Variants in SIK3 observed in about 807,000 individuals in gnomAD.
The protein encoded by SIK3 is SIK family kinase 3, also known as serine/threonine-protein kinase SIK3.
In SIK3, 28 loss-of-function variants were observed where a neutral mutation model predicts 144.2. The observed-to-expected ratio is 0.19, with a 90% CI of 0.14 to 0.27. The LOEUF is 0.27. Among genes scored for constraint, SIK3 ranks in the 10% least tolerant of loss-of-function variants. The pLI is 1.00. For missense variants in SIK3, 1,319 were observed against 1,776.0 expected (o/e 0.74, Z 4.62); for synonymous variants, 686 against 676.3 (o/e 1.01, Z -0.22).
chr11:116,863,906 A>C (rs1451462000), intron 15 of SIK3, 88 bp from the exon 16 acceptor site: 2 of 1,389,394 alleles, frequency 1.4e-6, no homozygotes, highest in African/African-American at 2.9e-5. Context: ...ATGAACATAA[A>C]GACGGCTGGC....
At chr11:117,029,680 T>C (rs190580525) in intron 1 of SIK3, among the ~76,000 whole-genome samples, 17 of 152,140 alleles carry the variant, frequency 1.1e-4, no homozygotes, top group African/African-American at 4.1e-4. Flanking sequence ...GTACACAAAA[T>C]TCAAGGAGAA....
intron 1 of SIK3, among the ~76,000 whole-genome samples, chr11:117,073,476 C>T (rs1565617276): frequency 2.6e-5 from 4 of 152,178 alleles, no homozygotes; most frequent in Admixed American, 2.6e-4. Flanking sequence ...CTCAGCTCTA[C>T]CACTTACAAG....
At chr11:117,089,201 C>T (rs925794812) in intron 1 of SIK3, among the ~76,000 whole-genome samples, 2 of 151,764 alleles carry the variant, frequency 1.3e-5, no homozygotes, top group South Asian at 2.1e-4. Context: ...GTCAGGAAAT[C>T]GAGACCAGCC....
intron 6 of SIK3, among the ~76,000 whole-genome samples, chr11:116,895,244 C>A (rs1046329863): frequency 1.3e-5 from 2 of 152,186 alleles, no homozygotes; most frequent in Non-Finnish European, 2.9e-5. Context: ...GGCCTCTGCG[C>A]TGACCCCTCA....
At chr11:116,948,109 A>T (rs556183983) in intron 3 of SIK3, among the ~76,000 whole-genome samples, 9 of 144,774 alleles carry the variant, frequency 6.2e-5, no homozygotes, top group Admixed American at 5.6e-4. Flanking sequence ...TAATTTTTCT[A>T]TTTTTTTTTG....
chr11:116,911,714 A>T (rs1946357167), intron 4 of SIK3, among the ~76,000 whole-genome samples: 1 of 152,236 alleles, frequency 6.6e-6, no homozygotes, highest in African/African-American at 2.4e-5. Context: ...TGCTTACATT[A>T]TTCTATAACT....
chr11:116,891,476 C>T (rs1390945678), intron 6 of SIK3, among the ~76,000 whole-genome samples: 2 of 152,196 alleles, frequency 1.3e-5, no homozygotes, highest in East Asian at 3.8e-4. Context: ...AGCTTTTGTT[C>T]ATTTGTATCT....
chr11:116,856,576 C>T (rs1401268732), intron 21 of SIK3, among the ~76,000 whole-genome samples: 1 of 152,222 alleles, frequency 6.6e-6, no homozygotes, highest in Non-Finnish European at 1.5e-5. Context: ...AGCTCCCACC[C>T]TCCTATGTCT....
intron 1 of SIK3, among the ~76,000 whole-genome samples, chr11:116,966,195 C>T (rs1266243215): frequency 2.0e-5 from 3 of 152,064 alleles, no homozygotes; most frequent in African/African-American, 4.8e-5. Flanking sequence ...AGTTCGAGAC[C>T]GGCCTGGGCA....
chr11:117,079,361 T>C (rs1954685663), intron 1 of SIK3, among the ~76,000 whole-genome samples: 1 of 152,214 alleles, frequency 6.6e-6, no homozygotes, highest in African/African-American at 2.4e-5. Flanking sequence ...AGAGCAATTA[T>C]GCAATTAATT....
At chr11:117,049,946 C>T (rs943873691) in intron 1 of SIK3, among the ~76,000 whole-genome samples, 4 of 116,944 alleles carry the variant, frequency 3.4e-5, no homozygotes, top group East Asian at 2.1e-4. Context: ...GGCGTCTGAG[C>T]GAAAACCTGT....
chr11:116,906,822 G>GTTATCTAC (rs754413200), intron 4 of SIK3, among the ~76,000 whole-genome samples: 42 of 152,184 alleles, frequency 2.8e-4, no homozygotes, highest in Admixed American at 1.0e-3. Flanking sequence ...TCCATTCAGA[G>GTTATCTAC]TTATCTACAA....
At chr11:117,093,671 T>TAAA (rs200833598) in intron 1 of SIK3, among the ~76,000 whole-genome samples, 9 of 136,440 alleles carry the variant, frequency 6.6e-5, no homozygotes, top group African/African-American at 2.4e-4. Flanking sequence ...CATTGCTATT[T>TAAA]AAAAAAAAAA....
intron 1 of SIK3, among the ~76,000 whole-genome samples, chr11:116,960,121 A>G (rs1949286620): frequency 6.6e-6 from 1 of 152,214 alleles, no homozygotes; most frequent in Admixed American, 6.5e-5. Context: ...GAAAAATTGC[A>G]TTGAATATAA....
At position 117,079,967 on chromosome 11, in the gene SIK3, G is replaced by A. The variant is rs150692543; in HGVS notation, c.273+18176C>T. Among the ~76,000 whole-genome samples the A allele has an allele frequency of 3.6e-3, 547 of 152,194 alleles. 3 individuals are homozygous for A. The highest frequency in any genetic ancestry group is 0.013 in the African/African-American group (524 of 41,534). On this transcript the variant is annotated intron_variant, in intron 1 of 24. Coordinates refer to ENST00000445177, the MANE Select transcript of SIK3 (RefSeq NM_001366686.3). ...GAGAACCATTTGAATTTGGGAGGCA[G>A]AGGTTTCAGAGAGCCAAGATTGCAC...
At chr11:117,062,007 T>C (rs1953815953) in intron 1 of SIK3, among the ~76,000 whole-genome samples, 1 of 151,436 alleles carries the variant, frequency 6.6e-6, no homozygotes, top group Admixed American at 6.6e-5. Flanking sequence ...ATAGGGCAAT[T>C]GGGTATAGAT....
At chr11:117,003,980 A>C (rs968740589) in intron 1 of SIK3, among the ~76,000 whole-genome samples, 93 of 152,326 alleles carry the variant, frequency 6.1e-4, no homozygotes, top group African/African-American at 2.2e-3. Flanking sequence ...TATCTACAAA[A>C]ATTATGGAGA....
At chr11:117,006,568 C>T (rs1951055047) in intron 1 of SIK3, among the ~76,000 whole-genome samples, 1 of 151,604 alleles carries the variant, frequency 6.6e-6, no homozygotes, top group African/African-American at 2.4e-5. Context: ...GAGGCAGAGG[C>T]GGGAGGAACC....
At chr11:117,036,034 AC>A in intron 1 of SIK3, 1 of 1,364,304 alleles carries the variant, frequency 7.3e-7, no homozygotes, top group Non-Finnish European at 1.0e-6. Flanking sequence ...GATGAAGGAG[AC>A]CCTTTGCAAG....
Sources: gnomAD v4.1 joint callset for allele counts (sites outside exome capture counted in the v4.1 genomes callset) on GRCh38, gnomAD v4.1.1 for gene constraint, MANE v1.5 for transcripts, NCBI Gene and HGNC (gene_info 2026-07-23, HGNC 2026-07-21) for gene names.